CEACAM20: variants seen among roughly 807,000 people sequenced by gnomAD.
The protein encoded by CEACAM20 is cell adhesion molecule CEACAM20.
Under a neutral mutation model 61.2 loss-of-function variants are expected in CEACAM20, and 50 were observed. The ratio of observed to expected loss-of-function variants is 0.82; its 90% CI spans 0.65 to 1.03. CEACAM20 has a LOEUF of 1.03. CEACAM20 is among the 50% of genes least tolerant of loss of function. The pLI, the probability that CEACAM20 is intolerant of heterozygous loss-of-function variation, is 0.00. For missense variants in CEACAM20, 683 were observed against 736.4 expected (o/e 0.93, Z 0.84); for synonymous variants, 282 against 287.7 (o/e 0.98, Z 0.20).
intron 4 of CEACAM20, among the ~76,000 whole-genome samples, chr19:44,522,109 ATTTT>A (rs796257978): frequency 7.0e-6 from 1 of 142,208 alleles, no homozygotes; most frequent in African/African-American, 2.6e-5. Flanking sequence ...GGCTCTTAAG[ATTTT>A]TTTTTTTTTT....
rs761366640 is a variant in CEACAM20, at chr19:44,525,124, G to A, written c.173C>T (p.Pro58Leu). 6 of 1,610,588 alleles carry A rather than the reference G, an allele frequency of 3.7e-6. No homozygotes were observed. The highest frequency in any genetic ancestry group is 4.2e-6 in the Non-Finnish European group (5 of 1,178,658). Residue 58 changes from proline (P) to leucine (L), a missense_variant, in exon 2 of 12, where the codon CCC becomes CTC. Transcript: ENST00000614924. ...ACCTCTGGATCTGCCATGAATCTGGGGTGTCCTGGGGGTCCCAAACACAGG... is the reference window on the plus strand; with the variant it reads ...ACCTCTGGATCTGCCATGAATCTGGAGTGTCCTGGGGGTCCCAAACACAGG... ...VLPVFGTPRT[P>L]QIHGRSRELA... is the part of the protein sequence containing the mutation.
At chr19:44,518,173 A>G (rs938153275) in intron 5 of CEACAM20, among the ~76,000 whole-genome samples, 75 of 138,888 alleles carry the variant, frequency 5.4e-4, no homozygotes, top group South Asian at 1.9e-3. Context: ...GAAGGAAGAA[A>G]GCAGGCAGGC....
chr19:44,514,489 C>A (rs911141418), intron 6 of CEACAM20, among the ~76,000 whole-genome samples: 1 of 151,356 alleles, frequency 6.6e-6, no homozygotes, highest in Non-Finnish European at 1.5e-5. Flanking sequence ...CACTCTGTTG[C>A]CCAGGCTGGA....
chr19:44,508,813 T>G (rs1463104602), intron 11 of CEACAM20, among the ~76,000 whole-genome samples: 2 of 152,252 alleles, frequency 1.3e-5, no homozygotes, highest in East Asian at 3.8e-4. Flanking sequence ...ATATTTTTAC[T>G]TTTTACCCAT....
chr19:44,523,943 G>A (rs1363715071), intron 3 of CEACAM20, 43 bp downstream of exon 3: 2 of 1,518,836 alleles, frequency 1.3e-6, no homozygotes, highest in Non-Finnish European at 1.8e-6. Flanking sequence ...CACTAAGCAA[G>A]TGAGTGTCAG....
chr19:44,520,413 G>T (rs1353929273), intron 5 of CEACAM20, 61 bp downstream of exon 5: 4 of 1,564,596 alleles, frequency 2.6e-6, no homozygotes, highest in South Asian at 1.2e-5. Flanking sequence ...CTAGAAGGAA[G>T]AACTTAAAGA....
In CEACAM20 at chr19:44,526,875, AAAACAAAC is replaced by A. The variant is rs35675807; in HGVS notation, c.53-1639_53-1632del. Among the ~76,000 whole-genome samples the A allele has an allele frequency of 5.8e-4, 87 of 151,194 alleles. 1 individual carries two copies. Among genetic ancestry groups the A allele is most frequent in the African/African-American group, 2.0e-3 (83 of 41,018 alleles). On this transcript the variant is annotated intron_variant, in intron 1 of 11. Transcript: ENST00000614924. ...GGTGACAGAGCTAGACCTTGTCTCA[AAAACAAAC>A]AAACAAACAAAAAAAAAACACGAGA...
At chr19:44,511,477 G>A (rs1260552447) in intron 10 of CEACAM20, among the ~76,000 whole-genome samples, 160 bp downstream of exon 10, 1 of 152,224 alleles carries the variant, frequency 6.6e-6, no homozygotes, top group African/African-American at 2.4e-5. Flanking sequence ...ATCTGACCCA[G>A]CTCTCTGTGA....
intron 5 of CEACAM20, among the ~76,000 whole-genome samples, chr19:44,517,944 G>T (rs965945909): frequency 2.6e-5 from 4 of 151,694 alleles, no homozygotes; most frequent in African/African-American, 9.7e-5. Context: ...CTAGCTGGAT[G>T]TGGTAGCACA....
At chr19:44,525,052 C>T (rs760137106) in intron 2 of CEACAM20, 49 bp downstream of exon 2, 1 of 1,597,388 alleles carries the variant, frequency 6.3e-7, no homozygotes, top group Non-Finnish European at 8.5e-7. Context: ...GATGAGGGAT[C>T]TCCATGGAGG....
chr19:44,523,445 GAA>G (rs553526026), intron 3 of CEACAM20, among the ~76,000 whole-genome samples: 1 of 148,842 alleles, frequency 6.7e-6, no homozygotes, highest in Non-Finnish European at 1.5e-5. Context: ...ATGAATGAAT[GAA>G]TAAAGTGAGC....
At chr19:44,528,144 C>A (rs925098805) in intron 1 of CEACAM20, among the ~76,000 whole-genome samples, 1 of 129,318 alleles carries the variant, frequency 7.7e-6, no homozygotes. Context: ...CTCTTTCTTT[C>A]TTTTCTTTCT....
intron 5 of CEACAM20, 31 bp downstream of exon 5, chr19:44,520,443 A>T (rs763708794): frequency 6.3e-7 from 1 of 1,598,614 alleles, no homozygotes; most frequent in Non-Finnish European, 8.5e-7. Flanking sequence ...AAGCAGGGAG[A>T]TGGGGAAGGT....
At chr19:44,516,900 G>T in intron 6 of CEACAM20, 46 bp downstream of exon 6, 1 of 1,557,654 alleles carries the variant, frequency 6.4e-7, no homozygotes, top group East Asian at 2.4e-5. Flanking sequence ...CCAGCATCAG[G>T]AAAGGCCCCT....
chr19:44,526,497 T>C (rs553886000), intron 1 of CEACAM20, among the ~76,000 whole-genome samples: 2 of 144,570 alleles, frequency 1.4e-5, no homozygotes, highest in East Asian at 4.2e-4. Flanking sequence ...GGCAAAATCC[T>C]GTCTTAAAAA....
intron 1 of CEACAM20, among the ~76,000 whole-genome samples, chr19:44,525,562 C>T (rs1337541529): frequency 6.6e-6 from 1 of 152,174 alleles, no homozygotes; most frequent in African/African-American, 2.4e-5. Context: ...CCAGCCTCAG[C>T]CTCCCAAGTA....
intron 5 of CEACAM20, among the ~76,000 whole-genome samples, chr19:44,519,774 A>G (rs1971298125): frequency 1.3e-5 from 2 of 152,222 alleles, no homozygotes; most frequent in Non-Finnish European, 2.9e-5. Context: ...CTCCAACGGC[A>G]GAAATGTAAT....
At chr19:44,520,444 T>G in intron 5 of CEACAM20, 30 bp downstream of exon 5, 1 of 1,598,726 alleles carries the variant, frequency 6.3e-7, no homozygotes. Context: ...AGCAGGGAGA[T>G]GGGGAAGGTC....
intron 5 of CEACAM20, among the ~76,000 whole-genome samples, chr19:44,519,312 G>A (rs1487742835): frequency 1.3e-5 from 2 of 152,164 alleles, no homozygotes; most frequent in East Asian, 3.9e-4. Context: ...TGAAAATCAT[G>A]TCAAGTATCA....
Sources: gnomAD v4.1 joint callset for allele counts (sites outside exome capture counted in the v4.1 genomes callset) on GRCh38, gnomAD v4.1.1 for gene constraint, MANE v1.5 for transcripts, NCBI Gene and HGNC (gene_info 2026-07-23, HGNC 2026-07-21) for gene names.